The following RAP1GDS1 variants were observed in gnomAD, a reference collection of about 807,000 sequenced individuals.
RAP1GDS1 encodes Rap1 GTPase-GDP dissociation stimulator 1.
Under a neutral mutation model 71.1 loss-of-function variants are expected in RAP1GDS1, and 35 were observed. That is an observed-to-expected ratio of 0.49 (90% CI 0.38 to 0.65). The LOEUF (loss-of-function observed/expected upper bound fraction) is 0.65. RAP1GDS1 is among the 30% of genes least tolerant of loss of function. The pLI, the probability that RAP1GDS1 is intolerant of heterozygous loss-of-function variation, is 0.00. For missense variants in RAP1GDS1, 663 were observed against 706.1 expected (o/e 0.94, Z 0.69); for synonymous variants, 229 against 243.1 (o/e 0.94, Z 0.54).
At chr4:98,395,742 C>T (rs922990562) in intron 6 of RAP1GDS1, among the ~76,000 whole-genome samples, 5 of 152,102 alleles carry the variant, frequency 3.3e-5, no homozygotes, top group African/African-American at 9.7e-5. Flanking sequence ...CCATTCTGTG[C>T]GTCTTTTGAG....
intron 4 of RAP1GDS1, among the ~76,000 whole-genome samples, chr4:98,353,289 T>G (rs995572994): frequency 3.3e-5 from 5 of 152,218 alleles, no homozygotes; most frequent in Non-Finnish European, 5.9e-5. Flanking sequence ...AGAGTTTTAT[T>G]TGCTGAGCCA....
At chr4:98,335,890 T>C (rs1013368799) in intron 2 of RAP1GDS1, among the ~76,000 whole-genome samples, 4 of 152,056 alleles carry the variant, frequency 2.6e-5, no homozygotes, top group Non-Finnish European at 5.9e-5. Context: ...AGTATTTCCT[T>C]AAATAGATTC....
At position 98,335,569 on chromosome 4, in the gene RAP1GDS1, A is replaced by G. The variant is rs1024640729; in HGVS notation, c.113-7570A>G. ...GAAAAAGTTTTTTTTTTATTTTACAAGTTTGAATTATTTCACATAAATGTA... is the reference window on the plus strand; with the variant it reads ...GAAAAAGTTTTTTTTTTATTTTACAGGTTTGAATTATTTCACATAAATGTA... On this transcript the variant is annotated intron_variant, in intron 2 of 14. Coordinates refer to ENST00000408927, the MANE Select transcript of RAP1GDS1 (RefSeq NM_001100427.2). Among the ~76,000 whole-genome samples, 3 of 152,036 alleles carry G rather than the reference A, an allele frequency of 2.0e-5. No individual in the cohort carries two copies. In the East Asian group the frequency reaches 5.8e-4, roughly 29 times the overall value.
At position 98,438,567 on chromosome 4, in the gene RAP1GDS1, C is replaced by CATATATATATATATATATAT. The variant is rs36034058; in HGVS notation, c.1696+1502_1696+1521dup. On this transcript the variant is annotated intron_variant, in intron 14 of 14. Coordinates refer to ENST00000408927, the MANE Select transcript of RAP1GDS1 (RefSeq NM_001100427.2). ...TTTTAATCATTTACATTTATTCTTC[C>CATATATATATATATATATAT]ATATATATATATATATATATATCTT... is the stretch of plus-strand genomic sequence containing the variant. Among the ~76,000 whole-genome samples, 673 of 104,532 alleles carry CATATATATATATATATATAT rather than the reference C, an allele frequency of 6.4e-3. 7 individuals are homozygous for CATATATATATATATATATAT. The highest frequency in any genetic ancestry group is 8.4e-3 in the Non-Finnish European group (477 of 56,970). 68.6% of individuals were successfully genotyped at this position (104,532 alleles called of 152,430 possible). A position where few individuals can be genotyped will look rare whatever the true frequency, so the allele number is the denominator to read the frequency against.
intron 2 of RAP1GDS1, among the ~76,000 whole-genome samples, chr4:98,306,000 C>T (rs901468235): frequency 1.3e-4 from 20 of 152,160 alleles, no homozygotes; most frequent in African/African-American, 4.8e-4. Context: ...CTAAGGACTA[C>T]ACTTTAAATT....
At chr4:98,384,243 C>T (rs971637894) in intron 5 of RAP1GDS1, among the ~76,000 whole-genome samples, 2 of 151,464 alleles carry the variant, frequency 1.3e-5, no homozygotes, top group African/African-American at 4.8e-5. Context: ...TCTTTTGAAG[C>T]CCAGTTTGTC....
intron 1 of RAP1GDS1, among the ~76,000 whole-genome samples, chr4:98,273,436 A>C (rs565364556): frequency 1.3e-5 from 2 of 152,328 alleles, no homozygotes; most frequent in South Asian, 4.1e-4. Context: ...ACTACATTTG[A>C]AATATGATAA....
rs1739186374 is a variant in RAP1GDS1 at position 98,364,425 on chromosome 4, T to A, written c.361+11824T>A. 2.6e-5 allele frequency among the ~76,000 whole-genome samples: 4 copies of A among 152,250 alleles called. No homozygotes were observed. The South Asian group carries it at 8.4e-4, about 32-fold the overall frequency. The stretch of plus-strand genomic sequence containing the variant: ...AGCTAAATTGGTGATAGTGTTGATC[T>A]GAAAACCAGATCTCAGGTTCATTGT... On this transcript the variant is annotated intron_variant, in intron 4 of 14. Transcript: ENST00000408927.
chr4:98,277,958 G>A (rs1724477754), intron 1 of RAP1GDS1, among the ~76,000 whole-genome samples: 1 of 152,226 alleles, frequency 6.6e-6, no homozygotes, highest in African/African-American at 2.4e-5. Flanking sequence ...GCCAAGTGGT[G>A]GCTTACGCCT....
At chr4:98,284,333 G>A (rs1286436922) in intron 1 of RAP1GDS1, among the ~76,000 whole-genome samples, 1 of 151,992 alleles carries the variant, frequency 6.6e-6, no homozygotes, top group Non-Finnish European at 1.5e-5. Flanking sequence ...CATCACCCAG[G>A]TACTGAACAT....
chr4:98,349,640 C>T (rs948485347), intron 3 of RAP1GDS1, among the ~76,000 whole-genome samples: 1 of 152,260 alleles, frequency 6.6e-6, no homozygotes, highest in East Asian at 1.9e-4. Flanking sequence ...TCTTTTATTT[C>T]GTTGAGCAGT....
At chr4:98,331,287 GGGAGAC>G (rs1379869692) in intron 2 of RAP1GDS1, among the ~76,000 whole-genome samples, 1 of 151,574 alleles carries the variant, frequency 6.6e-6, no homozygotes. Flanking sequence ...CATGGAAAGC[GGGAGAC>G]GGAGACGAAG....
chr4:98,357,444 G>C (rs1738124996), intron 4 of RAP1GDS1, among the ~76,000 whole-genome samples: 1 of 151,848 alleles, frequency 6.6e-6, no homozygotes, highest in South Asian at 2.1e-4. Context: ...AGAGATAGTA[G>C]TTATGACTAT....
At chr4:98,408,896 A>C (rs1323038921) in intron 7 of RAP1GDS1, among the ~76,000 whole-genome samples, 1 of 152,176 alleles carries the variant, frequency 6.6e-6, no homozygotes, top group African/African-American at 2.4e-5. Flanking sequence ...CAATCTGAAA[A>C]AGATATCTAT....
chr4:98,326,509 G>T (rs1467890230), intron 2 of RAP1GDS1, among the ~76,000 whole-genome samples: 1 of 151,960 alleles, frequency 6.6e-6, no homozygotes, highest in Non-Finnish European at 1.5e-5. Context: ...AAACATTTTG[G>T]CTTTATTTAA....
At position 98,293,367 on chromosome 4, in the gene RAP1GDS1, T is replaced by C. The variant is rs772029992; in HGVS notation, c.5-41T>C. 2.3e-6 allele frequency: 3 copies of C among 1,330,904 alleles called. No individual in the cohort carries two copies. The South Asian group carries it at 3.9e-5, about 17-fold the overall frequency. 82.4% of individuals were successfully genotyped at this position (1,330,904 alleles called of 1,614,324 possible). ...CCTTTTGTCATGTAACATATGGTGG[T>C]CATAAGGTTGAGTTTCTGATTTTTT... On this transcript the variant is annotated intron_variant, in intron 1 of 14. Coordinates refer to ENST00000408927, the MANE Select transcript of RAP1GDS1 (RefSeq NM_001100427.2).
At chr4:98,337,771 CAT>C (rs752854132) in intron 2 of RAP1GDS1, among the ~76,000 whole-genome samples, 1 of 151,922 alleles carries the variant, frequency 6.6e-6, no homozygotes, top group Non-Finnish European at 1.5e-5. Flanking sequence ...GAGGGAACAT[CAT>C]GTGCAGAAAG....
chr4:98,334,625 G>A (rs550102717), intron 2 of RAP1GDS1, among the ~76,000 whole-genome samples: 1 of 152,228 alleles, frequency 6.6e-6, no homozygotes, highest in South Asian at 2.1e-4. Flanking sequence ...AGACTTTCAA[G>A]TGTTTGATCT....
intron 2 of RAP1GDS1, among the ~76,000 whole-genome samples, chr4:98,324,082 CA>C (rs1732491979): frequency 6.6e-6 from 1 of 151,128 alleles, no homozygotes. Context: ...TCTCAGGATA[CA>C]AAATCAATGT....
Sources: gnomAD v4.1 joint callset for allele counts (sites outside exome capture counted in the v4.1 genomes callset) on GRCh38, gnomAD v4.1.1 for gene constraint, MANE v1.5 for transcripts, NCBI Gene and HGNC (gene_info 2026-07-23, HGNC 2026-07-21) for gene names.